The following DCC variants were observed in gnomAD, a reference collection of about 807,000 sequenced individuals.
DCC encodes netrin receptor DCC.
Under a neutral mutation model 172.5 loss-of-function variants are expected in DCC, and 58 were observed. The observed-to-expected ratio is 0.34, with a 90% CI of 0.27 to 0.42. DCC has a LOEUF of 0.42. DCC is among the 10% of genes least tolerant of loss of function. The pLI, the probability that DCC is intolerant of heterozygous loss-of-function variation, is 1.00. For missense variants in DCC, 1,740 were observed against 1,791.0 expected (o/e 0.97, Z 0.51); for synonymous variants, 709 against 644.5 (o/e 1.10, Z -1.52).
chr18:53,099,734 G>T (rs920249248), intron 7 of DCC, among the ~76,000 whole-genome samples: 1 of 151,980 alleles, frequency 6.6e-6, no homozygotes, highest in African/African-American at 2.4e-5. Context: ...CAAAAAAGGG[G>T]CTTCAGGGTC....
chr18:52,950,201 G>T (rs2040613889), intron 5 of DCC, among the ~76,000 whole-genome samples: 1 of 152,090 alleles, frequency 6.6e-6, no homozygotes, highest in African/African-American at 2.4e-5. Context: ...TTATCCCCCA[G>T]AATAGGGGCT....
At chr18:52,912,095 A>C (rs1181145781) in intron 3 of DCC, among the ~76,000 whole-genome samples, 2 of 152,146 alleles carry the variant, frequency 1.3e-5, no homozygotes, top group Non-Finnish European at 2.9e-5. Flanking sequence ...CTGTTATAGT[A>C]AGTGGTTAAT....
intron 8 of DCC, among the ~76,000 whole-genome samples, chr18:53,168,569 G>C (rs2054961360): frequency 1.3e-5 from 2 of 149,354 alleles, no homozygotes; most frequent in African/African-American, 2.5e-5. Context: ...CTGTCTGGGG[G>C]CGGGCGGGGG....
chr18:53,498,990 C>T (rs897100684), intron 26 of DCC, among the ~76,000 whole-genome samples: 3 of 152,022 alleles, frequency 2.0e-5, no homozygotes, highest in Non-Finnish European at 2.9e-5. Flanking sequence ...TCTTTTTTCT[C>T]GCTTCATCAC....
intron 5 of DCC, among the ~76,000 whole-genome samples, chr18:52,974,521 A>C (rs1263472257): frequency 6.6e-6 from 1 of 152,208 alleles, no homozygotes; most frequent in Non-Finnish European, 1.5e-5. Context: ...GTGCTGATAA[A>C]ATGAATTTAT....
intron 1 of DCC, among the ~76,000 whole-genome samples, chr18:52,347,052 A>G (rs1312114019): frequency 6.6e-6 from 1 of 152,088 alleles, no homozygotes; most frequent in Non-Finnish European, 1.5e-5. Flanking sequence ...CCTGAAGGCT[A>G]CTCCTAAGAG....
chr18:53,094,664 T>C (rs1425687541), intron 7 of DCC, among the ~76,000 whole-genome samples: 1 of 152,204 alleles, frequency 6.6e-6, no homozygotes, highest in Admixed American at 6.5e-5. Context: ...ATGCAGCTAA[T>C]AGATACAATA....
chr18:52,985,122 T>G (rs1294250404), intron 5 of DCC, among the ~76,000 whole-genome samples: 2 of 152,096 alleles, frequency 1.3e-5, no homozygotes, highest in Non-Finnish European at 2.9e-5. Flanking sequence ...ACCACGTAAC[T>G]GTCATTTCAG....
intron 12 of DCC, 53 bp downstream of exon 12, chr18:53,215,650 G>A (rs2055834825): frequency 6.9e-7 from 1 of 1,444,928 alleles, no homozygotes; most frequent in Non-Finnish European, 9.7e-7. Flanking sequence ...TACCTATCAT[G>A]TATAACCTTC....
chr18:53,014,940 C>G (rs900867490), intron 5 of DCC, among the ~76,000 whole-genome samples: 1 of 152,052 alleles, frequency 6.6e-6, no homozygotes, highest in Non-Finnish European at 1.5e-5. Context: ...TCAAGAAAAT[C>G]CTTTATGTAT....
intron 12 of DCC, among the ~76,000 whole-genome samples, chr18:53,217,298 CACATATGTATAT>C (rs1568371341): frequency 1.3e-3 from 130 of 100,512 alleles, no homozygotes; most frequent in African/African-American, 0.01. Flanking sequence ...CACACACACA[CACATATGTATAT>C]ACACACACAC....
At chr18:52,875,086 C>T (rs936468231) in intron 2 of DCC, among the ~76,000 whole-genome samples, 1 of 152,056 alleles carries the variant, frequency 6.6e-6, no homozygotes, top group Non-Finnish European at 1.5e-5. Context: ...TTGATTTGTA[C>T]ATCAACGCAA....
rs34481844 is a variant in DCC at position 53,488,807 on chromosome 18, C to T, written c.3898+1849C>T. On this transcript the variant is annotated intron_variant, in intron 26 of 28. Transcript: ENST00000442544. The stretch of plus-strand genomic sequence containing the variant: ...AGGAGGCTTGTGAGAAATCTCTGTA[C>T]CTTCTGCTCAATTTTCTTGTGAACC... Among the ~76,000 whole-genome samples the T allele has an allele frequency of 1.3e-3, 197 of 152,236 alleles. 1 individual carries two copies. The highest frequency in any genetic ancestry group is 0.011 in the South Asian group (55 of 4,818).
intron 2 of DCC, among the ~76,000 whole-genome samples, chr18:52,837,184 GCCT>G (rs1031012339): frequency 6.6e-6 from 1 of 152,144 alleles, no homozygotes; most frequent in African/African-American, 2.4e-5. Flanking sequence ...TTCCTCCTAG[GCCT>G]CCAAGCCTGT....
intron 13 of DCC, among the ~76,000 whole-genome samples, chr18:53,309,294 C>T (rs1461592259): frequency 6.6e-6 from 1 of 152,124 alleles, no homozygotes; most frequent in Non-Finnish European, 1.5e-5. Context: ...CCTCCACAGC[C>T]TCCCAAAGTG....
intron 5 of DCC, among the ~76,000 whole-genome samples, chr18:53,012,669 T>C (rs979785284): frequency 6.6e-6 from 1 of 152,116 alleles, no homozygotes; most frequent in Admixed American, 6.6e-5. Flanking sequence ...TTTTGCCAAA[T>C]GTAAATTATG....
In DCC at chr18:53,421,172, T is replaced by C. The variant is rs60688429; in HGVS notation, c.3163+5016T>C. The stretch of plus-strand genomic sequence containing the variant: ...TAAGGTATTTTTGTTTGCATCGTTA[T>C]GTCCCATTTAATGTCCAAATATTGT... On this transcript the variant is annotated intron_variant, in intron 21 of 28. Coordinates refer to ENST00000442544, the MANE Select transcript of DCC (RefSeq NM_005215.4). 1.6e-3 allele frequency among the ~76,000 whole-genome samples: 239 copies of C among 152,328 alleles called. 1 individual carries two copies. Among genetic ancestry groups the C allele is most frequent in the African/African-American group, 5.5e-3 (227 of 41,582 alleles).
At chr18:53,172,639 T>C (rs2055031180) in intron 8 of DCC, among the ~76,000 whole-genome samples, 1 of 151,848 alleles carries the variant, frequency 6.6e-6, no homozygotes, top group Non-Finnish European at 1.5e-5. Flanking sequence ...TAGGCAAATA[T>C]GGCCTTTGAT....
Position 52,836,900 on chromosome 18 carries a change from G to A in DCC, c.413-69144G>A, listed in dbSNP as rs193113246. On this transcript the variant is annotated intron_variant, in intron 2 of 28. Transcript: ENST00000442544. ...AAGTTCTCCATAGGGCTCTGCCTTTGCAGGAAACTTCTACCTGAACATCCA... is the reference window on the plus strand; with the variant it reads ...AAGTTCTCCATAGGGCTCTGCCTTTACAGGAAACTTCTACCTGAACATCCA... Among the ~76,000 whole-genome samples the A allele has an allele frequency of 4.6e-5, 7 of 152,338 alleles. No homozygotes were observed. The East Asian group carries it at 7.7e-4, about 17-fold the overall frequency.
Sources: allele counts gnomAD v4.1 joint callset (sites outside exome capture counted in the v4.1 genomes callset), GRCh38; gene constraint gnomAD v4.1.1; transcripts MANE v1.5; gene names NCBI Gene and HGNC (gene_info 2026-07-23, HGNC 2026-07-21).